Variants in PCYOX1L observed in about 807,000 individuals in gnomAD.
The protein encoded by PCYOX1L is prenylcysteine oxidase 1-like.
Under a neutral mutation model 44.1 loss-of-function variants are expected in PCYOX1L, and 40 were observed. The ratio of observed to expected loss-of-function variants is 0.91; its 90% CI spans 0.70 to 1.18. The LOEUF is 1.18. Among genes scored for constraint, PCYOX1L ranks in the 50% most tolerant of loss-of-function variants. The pLI, the probability that PCYOX1L is intolerant of heterozygous loss-of-function variation, is 0.00. For synonymous variants in PCYOX1L, 266 were observed against 282.8 expected (o/e 0.94, Z 0.60); for missense variants, 605 against 653.3 (o/e 0.93, Z 0.81).
In PCYOX1L at chr5:149,366,103, C is replaced by A; in HGVS notation, c.632C>A (p.Ala211Asp). 6.2e-7 allele frequency: 1 copy of A among 1,614,000 alleles called. No individual in the cohort carries two copies. Among genetic ancestry groups the A allele is most frequent in the Non-Finnish European group, 8.5e-7 (1 of 1,180,042 alleles). ...TQRFIDDVVS[A>D]VLRASYGQSA... ...CGCTTTATTGATGATGTCGTTTCTG[C>A]TGTCCTGCGGGCCAGCTATGGCCAG... The change falls in exon 4 of 6, where the codon GCT becomes GAT. Residue 211 changes from alanine to aspartate, a missense_variant. Physicochemically the swap from Ala to Asp is moderately radical, Grantham distance 126. Transcript: ENST00000274569.
chr5:149,367,860 G>T, intron 5 of PCYOX1L, 133 bp from the exon 6 acceptor site: 1 of 966,442 alleles, frequency 1.0e-6, no homozygotes, highest in Non-Finnish European at 1.5e-6. Flanking sequence ...GGAGAGGCCA[G>T]GACCCACCAT....
chr5:149,362,655 T>C lies in PCYOX1L; in HGVS notation c.107T>C (p.Ile36Thr), dbSNP rs544089963. ...CTGACAGCGGTGGTTGGGGCTGGGA[T>C]TGGGGGCTCTGCTGTGGCCCATTTT... Reference protein sequence around the residue: ...PGKIAVVGAGIGGSAVAHFLQ... With the variant: ...PGKIAVVGAGTGGSAVAHFLQ... Residue 36 changes from isoleucine (I) to threonine (T), a missense_variant, in exon 2 of 6, where the codon ATT becomes ACT. Physicochemically the swap from Ile to Thr is moderately conservative, Grantham distance 89 (BLOSUM62 -1). Coordinates refer to ENST00000274569, the MANE Select transcript of PCYOX1L (RefSeq NM_024028.4). 27 of 1,614,152 alleles carry C rather than the reference T, an allele frequency of 1.7e-5. No individual in the cohort carries two copies. The East Asian group carries it at 3.6e-4, about 21-fold the overall frequency.
At chr5:149,367,048 C>T (rs1447960950) in intron 4 of PCYOX1L, among the ~76,000 whole-genome samples, 1 of 152,190 alleles carries the variant, frequency 6.6e-6, no homozygotes, top group Non-Finnish European at 1.5e-5. Flanking sequence ...CCAACACCCC[C>T]CGGCCTCCCA....
At position 149,369,390 on chromosome 5, in the gene PCYOX1L, T is replaced by C. The variant is rs1758346929; in HGVS notation, c.*736T>C. 1 of 152,198 alleles carries C rather than the reference T, an allele frequency of 6.6e-6. No homozygotes were observed. Among genetic ancestry groups the C allele is most frequent in the East Asian group, 1.9e-4 (1 of 5,194 alleles). 9.4% of individuals were successfully genotyped at this position (152,198 alleles called of 1,614,324 possible). A position where few individuals can be genotyped will look rare whatever the true frequency, so the allele number is the denominator to read the frequency against. ...GCACCTAGAGGAATTAGCCATTCTC[T>C]TCCTTATGCAAAGATTGAGGAATGC... On this transcript the variant is annotated 3_prime_UTR_variant, in exon 6 of 6. Transcript: ENST00000274569.
In PCYOX1L at chr5:149,368,286, A is replaced by G. The variant is rs751474123; in HGVS notation, c.1117A>G (p.Asn373Asp). Reference sequence around the variant, plus strand: ...CCCCAGCTTCTTCTGCACTCTGGACAACATCTGCCCTGTCAACATCTCTGC... The same window carrying G: ...CCCCAGCTTCTTCTGCACTCTGGACGACATCTGCCCTGTCAACATCTCTGC... ...DFPSFFCTLDNICPVNISASF... is the reference protein window; with the variant it reads ...DFPSFFCTLDDICPVNISASF... Residue 373 changes from asparagine (N) to aspartate (D), a missense_variant, in exon 6 of 6, where the codon AAC (asparagine) becomes GAC (aspartate). Transcript: ENST00000274569. The G allele has an allele frequency of 6.2e-7, 1 of 1,614,098 alleles. No homozygotes were observed.
Position 149,368,927 on chromosome 5 carries a change from AC to A in PCYOX1L, c.*274del. Reference sequence around the variant, plus strand: ...TTTAAGAAGAAAAAAGTTCATCTTCACAAGGTGCTTCAGACTTGGTTTCTTA... The same window carrying A: ...TTTAAGAAGAAAAAAGTTCATCTTCAAAGGTGCTTCAGACTTGGTTTCTTA... On this transcript the variant is annotated 3_prime_UTR_variant, in exon 6 of 6. Coordinates refer to ENST00000274569, the MANE Select transcript of PCYOX1L (RefSeq NM_024028.4). 3.4e-6 allele frequency: 1 copy of A among 293,022 alleles called. No homozygotes were observed. Among genetic ancestry groups the A allele is most frequent in the Non-Finnish European group, 6.2e-6 (1 of 160,196 alleles). 18.2% of individuals were successfully genotyped at this position (293,022 alleles called of 1,614,324 possible).
intron 1 of PCYOX1L, among the ~76,000 whole-genome samples, chr5:149,359,292 T>C (rs1025576057): frequency 1.4e-4 from 22 of 152,298 alleles, no homozygotes; most frequent in Non-Finnish European, 3.2e-4. Flanking sequence ...TAAAGCTTCT[T>C]GTGTAGCAGA....
chr5:149,362,928 C>T (rs762284030), intron 2 of PCYOX1L, 85 bp downstream of exon 2: 2 of 1,444,378 alleles, frequency 1.4e-6, no homozygotes, highest in African/African-American at 2.8e-5. Flanking sequence ...CCCAGACCAT[C>T]AAGGCCAGAA....
chr5:149,361,002 G>A (rs887229542), intron 1 of PCYOX1L, among the ~76,000 whole-genome samples: 1 of 152,222 alleles, frequency 6.6e-6, no homozygotes, highest in African/African-American at 2.4e-5. Flanking sequence ...TGGACTGTCT[G>A]ATGAGAAGAG....
At chr5:149,367,553 G>A in intron 5 of PCYOX1L, 53 bp downstream of exon 5, 1 of 1,599,878 alleles carries the variant, frequency 6.3e-7, no homozygotes, top group South Asian at 1.1e-5. Flanking sequence ...CCAGTGGACA[G>A]ACACTTCTGC....
intron 5 of PCYOX1L, among the ~76,000 whole-genome samples, chr5:149,367,779 C>T (rs569065563): frequency 2.0e-5 from 3 of 152,306 alleles, no homozygotes; most frequent in Admixed American, 1.3e-4. Context: ...AACTGGCCAG[C>T]GGCGGAAGCA....
At chr5:149,362,497 T>C (rs1338122831) in intron 1 of PCYOX1L, 140 bp from the exon 2 acceptor site, 1 of 838,466 alleles carries the variant, frequency 1.2e-6, no homozygotes, top group East Asian at 2.7e-5. Context: ...AGTCCGCAGA[T>C]TTCCTTTTGG....
At chr5:149,358,375 G>A (rs1757913457) in intron 1 of PCYOX1L, among the ~76,000 whole-genome samples, 1 of 152,258 alleles carries the variant, frequency 6.6e-6, no homozygotes, top group Admixed American at 6.5e-5. Flanking sequence ...ACGGAAAAGA[G>A]GCCTGGGCAG....
At chr5:149,362,944 T>C (rs758534727) in intron 2 of PCYOX1L, 101 bp downstream of exon 2, 2 of 1,282,062 alleles carry the variant, frequency 1.6e-6, no homozygotes, top group Non-Finnish European at 2.2e-6. Flanking sequence ...CAGAAGGTCA[T>C]GTGGCCCAAT....
At chr5:149,362,311 G>A (rs1478998082) in intron 1 of PCYOX1L, 1 of 331,974 alleles carries the variant, frequency 3.0e-6, no homozygotes, top group African/African-American at 2.1e-5. Flanking sequence ...AAAGTTAGAA[G>A]CAAGGTAGTG....
At chr5:149,362,429 A>G (rs1001409965) in intron 1 of PCYOX1L, 8 of 588,110 alleles carry the variant, frequency 1.4e-5, no homozygotes, top group Non-Finnish European at 1.5e-5. Context: ...AAACGAAAGT[A>G]TAGTAGGCAG....
At chr5:149,363,243 T>C in intron 2 of PCYOX1L, 3 of 364,940 alleles carry the variant, frequency 8.2e-6, no homozygotes, top group South Asian at 6.2e-5. Flanking sequence ...TCAGAAAATG[T>C]ATAGATTTAA....
At chr5:149,364,000 G>A (rs761530540) in intron 2 of PCYOX1L, 36 bp from the exon 3 acceptor site, 1 of 1,607,692 alleles carries the variant, frequency 6.2e-7, no homozygotes, top group Non-Finnish European at 8.5e-7. Flanking sequence ...CCCAAGTCTT[G>A]GAGGGGACCT....
At chr5:149,365,711 A>C in intron 3 of PCYOX1L, 3 of 582,090 alleles carry the variant, frequency 5.2e-6, no homozygotes, top group Non-Finnish European at 9.2e-6. Context: ...CACAGCCGTG[A>C]TGTGAAGCCA....
Sources: gnomAD v4.1 joint callset for allele counts (sites outside exome capture counted in the v4.1 genomes callset) on GRCh38, gnomAD v4.1.1 for gene constraint, MANE v1.5 for transcripts, NCBI Gene and HGNC (gene_info 2026-07-23, HGNC 2026-07-21) for gene names.